ATP1B1: variants seen among roughly 807,000 people sequenced by gnomAD.
ATP1B1 encodes the protein sodium/potassium-transporting ATPase subunit beta-1.
Under a neutral mutation model 39.6 loss-of-function variants are expected in ATP1B1, and 3 were observed. The observed-to-expected ratio is 0.08, with a 90% CI of 0.03 to 0.20. The LOEUF (loss-of-function observed/expected upper bound fraction) is 0.20. ATP1B1 is among the 10% of genes least tolerant of loss of function. The pLI, the probability that ATP1B1 is intolerant of heterozygous loss-of-function variation, is 1.00. For synonymous variants in ATP1B1, 139 were observed against 135.0 expected, an observed-to-expected ratio of 1.03 and a Z score of -0.20; for missense variants, 216 against 371.1, an observed-to-expected ratio of 0.58 and a Z score of 3.43.
chr1:169,125,183 TAAA>T (rs1557951721), intron 3 of ATP1B1, 144 bp downstream of exon 3: 1 of 1,125,322 alleles, frequency 8.9e-7, no homozygotes, highest in African/African-American at 1.6e-5. Flanking sequence ...ACACTTTTTT[TAAA>T]AAAAGCAGGA....
At chr1:169,129,180 A>T (rs1043106651) in intron 4 of ATP1B1, among the ~76,000 whole-genome samples, 1 of 152,202 alleles carries the variant, frequency 6.6e-6, no homozygotes, top group Non-Finnish European at 1.5e-5. Context: ...TTCCTTCCTG[A>T]TGTGGAACTA....
chr1:169,108,180 C>CAAGGTTAGTCAAGGTTA (rs1657645339), intron 1 of ATP1B1: 4 of 152,164 alleles, frequency 2.6e-5, no homozygotes, highest in Non-Finnish European at 2.9e-5. Flanking sequence ...CAAGGTGAAG[C>CAAGGTTAGTCAAGGTTA]GTCTTTCCAA....
At chr1:169,118,460 T>TGAGTAA (rs1422483107) in intron 2 of ATP1B1, among the ~76,000 whole-genome samples, 1 of 152,176 alleles carries the variant, frequency 6.6e-6, no homozygotes, top group Non-Finnish European at 1.5e-5. Flanking sequence ...AGGCAGAAGG[T>TGAGTAA]GAGTCAAAGG....
intron 1 of ATP1B1, chr1:169,107,838 G>A (rs1441723598): frequency 6.6e-6 from 1 of 151,952 alleles, no homozygotes; most frequent in African/African-American, 2.4e-5. Context: ...GTGAGGGAAG[G>A]AGGGAGGGAA....
rs928855363 is a variant in ATP1B1, at chr1:169,127,593, C to G, written c.567+185C>G. The stretch of plus-strand genomic sequence containing the variant: ...ATTCTTGTAGTTAGGACATTAATCT[C>G]ATTTTCTAAAGTTAAAGGAATTCTG... On this transcript the variant is annotated intron_variant, in intron 4 of 5. Coordinates refer to ENST00000367815, the MANE Select transcript of ATP1B1 (RefSeq NM_001677.4). Among the ~76,000 whole-genome samples the G allele has an allele frequency of 2.4e-4, 36 of 152,264 alleles. 1 individual carries two copies. Among genetic ancestry groups the G allele is most frequent in the South Asian group, 4.1e-4 (2 of 4,826 alleles).
chr1:169,125,097 TC>T, intron 3 of ATP1B1, 58 bp downstream of exon 3: 1 of 1,508,862 alleles, frequency 6.6e-7, no homozygotes, highest in Non-Finnish European at 8.9e-7. Flanking sequence ...AACTCTTATT[TC>T]CCACTTCTAT....
intron 2 of ATP1B1, among the ~76,000 whole-genome samples, chr1:169,117,778 C>T (rs1238922334): frequency 2.0e-5 from 3 of 152,264 alleles, no homozygotes; most frequent in East Asian, 1.9e-4. Context: ...GCTGGTCTGT[C>T]GGATGCAGTC....
At chr1:169,123,803 T>G (rs1658034524) in intron 2 of ATP1B1, among the ~76,000 whole-genome samples, 1 of 152,022 alleles carries the variant, frequency 6.6e-6, no homozygotes, top group Non-Finnish European at 1.5e-5. Flanking sequence ...ATTTTTGTAT[T>G]TTTAGTAGAG....
At chr1:169,120,013 C>T (rs1657940087) in intron 2 of ATP1B1, among the ~76,000 whole-genome samples, 1 of 151,916 alleles carries the variant, frequency 6.6e-6, no homozygotes, top group African/African-American at 2.4e-5. Context: ...TTGGAGAAGA[C>T]CTCATCAAAA....
intron 4 of ATP1B1, among the ~76,000 whole-genome samples, chr1:169,128,217 A>G (rs1047250012): frequency 1.3e-5 from 2 of 152,202 alleles, no homozygotes; most frequent in African/African-American, 4.8e-5. Flanking sequence ...AATCACCCGT[A>G]TATGAGCGTT....
intron 2 of ATP1B1, among the ~76,000 whole-genome samples, chr1:169,122,616 A>G (rs998881252): frequency 6.6e-5 from 10 of 152,064 alleles, no homozygotes; most frequent in African/African-American, 2.4e-4. Flanking sequence ...TTAAACTGTA[A>G]TCTGTGTTTA....
At chr1:169,126,609 G>A (rs897440496) in intron 3 of ATP1B1, among the ~76,000 whole-genome samples, 6 of 152,200 alleles carry the variant, frequency 3.9e-5, no homozygotes, top group African/African-American at 1.4e-4. Flanking sequence ...TACTCAGGAT[G>A]CTGAGGTGGG....
At chr1:169,113,600 G>C (rs1416908808) in intron 2 of ATP1B1, among the ~76,000 whole-genome samples, 1 of 152,202 alleles carries the variant, frequency 6.6e-6, no homozygotes, top group Non-Finnish European at 1.5e-5. Context: ...ACTTGGAAAT[G>C]ACCTTGCCTG....
intron 2 of ATP1B1, among the ~76,000 whole-genome samples, chr1:169,112,585 G>C (rs527676610): frequency 6.6e-6 from 1 of 152,218 alleles, no homozygotes; most frequent in African/African-American, 2.4e-5. Context: ...AAGGGCTACT[G>C]CCTGCCACAG....
At chr1:169,118,147 T>G (rs925390054) in intron 2 of ATP1B1, among the ~76,000 whole-genome samples, 1 of 152,154 alleles carries the variant, frequency 6.6e-6, no homozygotes. Context: ...TAAAGATAGG[T>G]CAACTGAACT....
chr1:169,129,273 A>G (rs1218400908), intron 4 of ATP1B1, among the ~76,000 whole-genome samples: 1 of 152,198 alleles, frequency 6.6e-6, no homozygotes, highest in Non-Finnish European at 1.5e-5. Context: ...TGAGTAAGCA[A>G]GTGACTGTCT....
intron 1 of ATP1B1, among the ~76,000 whole-genome samples, chr1:169,110,409 T>A (rs923211459): frequency 3.9e-5 from 6 of 152,136 alleles, no homozygotes; most frequent in African/African-American, 1.4e-4. Context: ...ACCTTACAGT[T>A]CACTTGTTCC....
At chr1:169,129,268 A>G (rs552902049) in intron 4 of ATP1B1, among the ~76,000 whole-genome samples, 1 of 152,314 alleles carries the variant, frequency 6.6e-6, no homozygotes, top group East Asian at 1.9e-4. Context: ...TGATCTGAGT[A>G]AGCAAGTGAC....
At chr1:169,117,016 A>C (rs1435547210) in intron 2 of ATP1B1, among the ~76,000 whole-genome samples, 1 of 152,208 alleles carries the variant, frequency 6.6e-6, no homozygotes, top group Non-Finnish European at 1.5e-5. Flanking sequence ...TTGTATTACT[A>C]TCTCTCACTC....
Sources: gnomAD v4.1 joint callset for allele counts (sites outside exome capture counted in the v4.1 genomes callset) on GRCh38, gnomAD v4.1.1 for gene constraint, MANE v1.5 for transcripts, NCBI Gene and HGNC (gene_info 2026-07-23, HGNC 2026-07-21) for gene names.